The following FAF1 variants were observed in gnomAD, a reference collection of about 807,000 sequenced individuals.
FAF1 encodes the protein FAS-associated factor 1.
In FAF1, 25 loss-of-function variants were observed where a neutral mutation model predicts 92.5. The ratio of observed to expected loss-of-function variants is 0.27; its 90% CI spans 0.20 to 0.38. The LOEUF (loss-of-function observed/expected upper bound fraction) is 0.38, where lower values mean the gene tolerates loss of function less well. FAF1 is among the 10% of genes least tolerant of loss of function. FAF1 has a pLI of 1.00. For synonymous variants in FAF1, 234 were observed against 273.2 expected (o/e 0.86, Z 1.42); for missense variants, 636 against 793.3 (o/e 0.80, Z 2.38).
intron 1 of FAF1, among the ~76,000 whole-genome samples, chr1:50,859,807 A>T (rs1313673661): frequency 6.6e-6 from 1 of 152,072 alleles, no homozygotes; most frequent in Admixed American, 6.6e-5. Context: ...CTAAGCAAAA[A>T]GAACAAAGCT....
intron 1 of FAF1, among the ~76,000 whole-genome samples, chr1:50,886,026 T>C (rs1364795730): frequency 6.6e-6 from 1 of 152,220 alleles, no homozygotes; most frequent in South Asian, 2.1e-4. Context: ...TCTATTTATA[T>C]CTTCCTGTAC....
chr1:50,484,917 G>A (rs980389658), intron 17 of FAF1, among the ~76,000 whole-genome samples: 1 of 138,072 alleles, frequency 7.2e-6, no homozygotes, highest in South Asian at 2.4e-4. Context: ...AGAACACTTG[G>A]ACACAGGAAG....
intron 5 of FAF1, among the ~76,000 whole-genome samples, chr1:50,742,945 G>T (rs1164756513): frequency 6.6e-6 from 1 of 152,166 alleles, no homozygotes; most frequent in Non-Finnish European, 1.5e-5. Context: ...TAAATCAAAA[G>T]AATATTTTAT....
At chr1:50,956,747 G>A (rs547319308) in intron 1 of FAF1, among the ~76,000 whole-genome samples, 11 of 152,136 alleles carry the variant, frequency 7.2e-5, no homozygotes, top group Non-Finnish European at 1.2e-4. Flanking sequence ...TCGGGGGTTC[G>A]AGACCAGCCT....
chr1:50,790,688 G>A (rs937002491), intron 3 of FAF1, among the ~76,000 whole-genome samples: 3 of 151,356 alleles, frequency 2.0e-5, no homozygotes, highest in South Asian at 4.2e-4. Context: ...TATCTTCCAC[G>A]ACCACTAGAA....
At chr1:50,468,124 A>C (rs991351828) in intron 18 of FAF1, among the ~76,000 whole-genome samples, 6 of 152,058 alleles carry the variant, frequency 3.9e-5, no homozygotes, top group African/African-American at 1.4e-4. Flanking sequence ...TGGGAGGATC[A>C]CTTGAGCACA....
chr1:50,671,971 AT>A (rs1300540594), intron 7 of FAF1, among the ~76,000 whole-genome samples: 1 of 146,432 alleles, frequency 6.8e-6, no homozygotes, highest in Non-Finnish European at 1.5e-5. Context: ...ATTTTTACAT[AT>A]TTTTTTGTAG....
chr1:50,468,424 A>G (rs1272360996), intron 18 of FAF1, among the ~76,000 whole-genome samples: 4 of 138,366 alleles, frequency 2.9e-5, no homozygotes, highest in Admixed American at 7.2e-5. Context: ...TCCCAAGTAG[A>G]TGGGATTACA....
At position 50,738,901 on chromosome 1, in the gene FAF1, T is replaced by C. The variant is rs1232871910; in HGVS notation, c.513A>G (p.Thr171=). 6.2e-7 allele frequency: 1 copy of C among 1,610,590 alleles called. No homozygotes were observed. The highest frequency in any genetic ancestry group is 1.7e-4 in the Middle Eastern group (1 of 6,050). The change falls in exon 6 of 19, where the codon ACA becomes ACG. Residue 171 remains threonine, a synonymous_variant. Transcript: ENST00000396153. ...ATGATGAAGGTGGTGGCAAATCTGGTGTAAGGACATAAAGACTGTTGTTTT... is the reference window on the plus strand; with the variant it reads ...ATGATGAAGGTGGTGGCAAATCTGGCGTAAGGACATAAAGACTGTTGTTTT... The part of the protein sequence containing the change: ...LPKNNSLYVL[T]PDLPPPSSSS...
chr1:50,885,529 A>G (rs1644654523), intron 1 of FAF1, among the ~76,000 whole-genome samples: 1 of 152,034 alleles, frequency 6.6e-6, no homozygotes, highest in Admixed American at 6.6e-5. Flanking sequence ...TTTCCATTAC[A>G]TGGAATATCT....
At chr1:50,669,627 G>A (rs888393440) in intron 7 of FAF1, among the ~76,000 whole-genome samples, 3 of 152,200 alleles carry the variant, frequency 2.0e-5, no homozygotes, top group Non-Finnish European at 4.4e-5. Flanking sequence ...ATATGAAACT[G>A]CATTATCAAA....
At chr1:50,805,773 G>A (rs1223020567) in intron 2 of FAF1, among the ~76,000 whole-genome samples, 3 of 152,156 alleles carry the variant, frequency 2.0e-5, no homozygotes, top group African/African-American at 2.4e-5. Context: ...AGATGAGACA[G>A]GGATGTAGAG....
intron 6 of FAF1, among the ~76,000 whole-genome samples, chr1:50,732,608 T>C (rs1299143378): frequency 1.3e-5 from 2 of 152,204 alleles, no homozygotes; most frequent in Admixed American, 1.3e-4. Flanking sequence ...TCTTTTCCTT[T>C]ATTTTCTCTG....
chr1:50,933,346 C>G (rs1312928116), intron 1 of FAF1, among the ~76,000 whole-genome samples: 1 of 152,112 alleles, frequency 6.6e-6, no homozygotes, highest in Non-Finnish European at 1.5e-5. Context: ...CTGCCAGATA[C>G]CCTAAATCAT....
chr1:50,446,461 A>C (rs1646228320), intron 18 of FAF1, among the ~76,000 whole-genome samples: 2 of 152,248 alleles, frequency 1.3e-5, no homozygotes, highest in Admixed American at 1.3e-4. Flanking sequence ...ATGCTCAACC[A>C]GTAGGTAAAT....
At position 50,843,367 on chromosome 1, in the gene FAF1, C is replaced by A. The variant is rs551752573; in HGVS notation, c.114+14562G>T. On this transcript the variant is annotated intron_variant, in intron 2 of 18. Transcript: ENST00000396153. ...ATCTGGGTAATTGGGATAACCATCA[C>A]CTCAAACATTTATCATTTATTTGTG... Among the ~76,000 whole-genome samples, 3 of 152,216 alleles carry A rather than the reference C, an allele frequency of 2.0e-5. No homozygotes were observed. The East Asian group carries it at 5.8e-4, about 29-fold the overall frequency.
chr1:50,641,655 G>T (rs1228023613), intron 8 of FAF1, among the ~76,000 whole-genome samples: 1 of 152,128 alleles, frequency 6.6e-6, no homozygotes, highest in African/African-American at 2.4e-5. Flanking sequence ...TATGTATCCT[G>T]CTATTATTGG....
rs199506351 is a variant in FAF1, at chr1:50,596,193, G to C, written c.768C>G (p.Leu256=). 4 of 1,613,638 alleles carry C rather than the reference G, an allele frequency of 2.5e-6. No homozygotes were observed. The East Asian group carries it at 6.7e-5, about 27-fold the overall frequency. Residue 256 remains leucine, a synonymous_variant, in exon 9 of 19, where the codon CTC becomes CTG. Transcript: ENST00000396153. ...CTGTAAGTCGATGGCAGGGATAAGA[G>C]AGCCCTGATTCAGCAAGACACATCT... ...DDSMCLAESG[L]SYPCHRLTVG...
At chr1:50,581,165 T>C (rs1650973038) in intron 12 of FAF1, among the ~76,000 whole-genome samples, 1 of 152,210 alleles carries the variant, frequency 6.6e-6, no homozygotes, top group African/African-American at 2.4e-5. Flanking sequence ...TTTATATAGA[T>C]TGAACAGTTG....
Sources: allele counts gnomAD v4.1 joint callset (sites outside exome capture counted in the v4.1 genomes callset), GRCh38; gene constraint gnomAD v4.1.1; transcripts MANE v1.5; gene names NCBI Gene and HGNC (gene_info 2026-07-23, HGNC 2026-07-21).